Variants in PDZK1 observed in about 807,000 individuals in gnomAD.
PDZK1 encodes PDZ domain containing 1.
PDZK1 carries 23 observed loss-of-function variants against 38.1 expected under a neutral mutation model. The ratio of observed to expected loss-of-function variants is 0.60; its 90% CI spans 0.43 to 0.85. The LOEUF (loss-of-function observed/expected upper bound fraction) is 0.85, where lower values mean the gene tolerates loss of function less well. Among genes scored for constraint, PDZK1 ranks in the 40% least tolerant of loss-of-function variants. The probability of loss-of-function intolerance (pLI) is 0.00; values close to 1 mark genes in which losing one functional copy is unlikely to be tolerated. For missense variants in PDZK1, 297 were observed against 504.3 expected (o/e 0.59, Z 3.94); for synonymous variants, 98 against 186.2 (o/e 0.53, Z 3.86).
At chr1:145,701,065 T>G (rs1215903546) in intron 1 of PDZK1, among the ~76,000 whole-genome samples, 2 of 151,612 alleles carry the variant, frequency 1.3e-5, no homozygotes, top group Non-Finnish European at 2.9e-5. Flanking sequence ...ATCAGCTGGG[T>G]GTGGTGGCAC....
intron 6 of PDZK1, among the ~76,000 whole-genome samples, chr1:145,677,780 T>TATC (rs1653833487): frequency 6.7e-6 from 1 of 148,446 alleles, no homozygotes; most frequent in African/African-American, 2.6e-5. Flanking sequence ...TAGATTCTAC[T>TATC]ATCATTGTAT....
intron 5 of PDZK1, among the ~76,000 whole-genome samples, chr1:145,680,658 C>T (rs2624760): frequency 8.8e-5 from 13 of 148,098 alleles, no homozygotes; most frequent in Admixed American, 6.1e-4. Flanking sequence ...GATTTCCCCC[C>T]ACCCCCGCCC....
At chr1:145,686,401 C>T (rs1186290084) in intron 3 of PDZK1, 76 bp downstream of exon 3, 4 of 1,524,496 alleles carry the variant, frequency 2.6e-6, no homozygotes, top group Non-Finnish European at 3.6e-6. Flanking sequence ...AGTCATTAAC[C>T]AGTAGCATCT....
chr1:145,677,496 T>C (rs1208149989), intron 6 of PDZK1, among the ~76,000 whole-genome samples: 1 of 150,930 alleles, frequency 6.6e-6, no homozygotes, highest in African/African-American at 2.5e-5. Context: ...AAGTATTTTC[T>C]AGGTATGATT....
chr1:145,694,273 G>A (rs781858812), intron 1 of PDZK1, among the ~76,000 whole-genome samples: 6 of 152,276 alleles, frequency 3.9e-5, no homozygotes, highest in East Asian at 1.9e-4. Context: ...CAGTCATCCC[G>A]TGAACCCTGG....
At position 145,682,624 on chromosome 1, in the gene PDZK1, A is replaced by G. The variant is rs1178122017; in HGVS notation, c.473T>C (p.Val158Ala). 8 of 1,611,884 alleles carry G rather than the reference A, an allele frequency of 5.0e-6. No individual in the cohort carries two copies. The highest frequency in any genetic ancestry group is 4.2e-6 in the Non-Finnish European group (5 of 1,179,824). ...SLKTVQGKKG[V>A]YMTDITPQGV... ...TTGAGGTGTAATATCAGTCATGTAC[A>G]CCCCCTTTTTACCTGGAAGAGAGTA... Residue 158 changes from valine to alanine, a missense_variant, in exon 4 of 9, where the codon GTG (valine) becomes GCG (alanine). Coordinates refer to ENST00000417171, the MANE Select transcript of PDZK1 (RefSeq NM_001201325.2).
At chr1:145,697,544 T>C (rs1331462052) in intron 1 of PDZK1, among the ~76,000 whole-genome samples, 6 of 152,054 alleles carry the variant, frequency 3.9e-5, no homozygotes, top group Admixed American at 1.3e-4. Context: ...AATGGAAGTC[T>C]GGGCCTGATA....
At chr1:145,680,684 C>G (rs1654155004) in intron 5 of PDZK1, among the ~76,000 whole-genome samples, 1 of 140,208 alleles carries the variant, frequency 7.1e-6, no homozygotes, top group Non-Finnish European at 1.5e-5. Flanking sequence ...AGCTAACTTA[C>G]CAGGATACCG....
At chr1:145,702,303 A>T (rs1394685810) in intron 1 of PDZK1, among the ~76,000 whole-genome samples, 4 of 152,034 alleles carry the variant, frequency 2.6e-5, no homozygotes, top group Non-Finnish European at 5.9e-5. Context: ...TTGATTGCTT[A>T]TCTAAGAGTT....
chr1:145,705,716 A>T (rs1553705619), intron 1 of PDZK1, among the ~76,000 whole-genome samples: 1 of 152,122 alleles, frequency 6.6e-6, no homozygotes, highest in African/African-American at 2.4e-5. Flanking sequence ...TACACATTTG[A>T]AATCTAGGCA....
chr1:145,701,297 G>C (rs1287990345), intron 1 of PDZK1, among the ~76,000 whole-genome samples: 4 of 150,782 alleles, frequency 2.7e-5, no homozygotes, highest in Non-Finnish European at 5.9e-5. Flanking sequence ...GTATAATCTA[G>C]TATGAAACCA....
chr1:145,678,828 G>T (rs1653965662), intron 5 of PDZK1, among the ~76,000 whole-genome samples, 183 bp from the exon 6 acceptor site: 1 of 143,976 alleles, frequency 6.9e-6, no homozygotes, highest in African/African-American at 2.5e-5. Flanking sequence ...CTCGTTTCCT[G>T]CTCAGAACTC....
chr1:145,679,383 T>C (rs1654018253), intron 5 of PDZK1, among the ~76,000 whole-genome samples: 2 of 152,150 alleles, frequency 1.3e-5, no homozygotes, highest in African/African-American at 2.4e-5. Context: ...TTCCCCAGCA[T>C]CCAGTCCCCA....
chr1:145,679,415 C>A (rs1417259935), intron 5 of PDZK1, among the ~76,000 whole-genome samples: 4 of 152,118 alleles, frequency 2.6e-5, no homozygotes, highest in Non-Finnish European at 4.4e-5. Flanking sequence ...TTGCTAAGTC[C>A]TCTGATGCTA....
intron 1 of PDZK1, among the ~76,000 whole-genome samples, chr1:145,705,842 C>T (rs1290026755): frequency 6.6e-6 from 1 of 152,168 alleles, no homozygotes; most frequent in African/African-American, 2.4e-5. Context: ...CCTCGACCCC[C>T]TGGGCTCAAG....
chr1:145,701,943 T>C (rs950979881), intron 1 of PDZK1, among the ~76,000 whole-genome samples: 1 of 152,260 alleles, frequency 6.6e-6, no homozygotes. Flanking sequence ...CTCAAGTATA[T>C]TTACTTTAAA....
intron 1 of PDZK1, among the ~76,000 whole-genome samples, chr1:145,693,807 C>A (rs1452700900): frequency 3.9e-5 from 6 of 152,074 alleles, no homozygotes; most frequent in East Asian, 1.9e-4. Flanking sequence ...TGCCTCGACT[C>A]CTCCTGTCTC....
Position 145,685,277 on chromosome 1 carries a change from A to T in PDZK1, c.460+1200T>A, listed in dbSNP as rs587761849. On this transcript the variant is annotated intron_variant, in intron 3 of 8. Coordinates refer to ENST00000417171, the MANE Select transcript of PDZK1 (RefSeq NM_001201325.2). ...GGGATCGCTTGCTAATGACTACATA[A>T]ATCACTTGTAAGGAATGACAATAAC... 2.6e-5 allele frequency among the ~76,000 whole-genome samples: 4 copies of T among 152,218 alleles called. No individual in the cohort carries two copies. The South Asian group carries it at 8.3e-4, about 32-fold the overall frequency.
intron 1 of PDZK1, among the ~76,000 whole-genome samples, chr1:145,700,125 C>T (rs1655876919): frequency 6.6e-6 from 1 of 152,200 alleles, no homozygotes; most frequent in Non-Finnish European, 1.5e-5. Flanking sequence ...AATGGGCAGG[C>T]ACCTCAATGA....
Sources: allele counts gnomAD v4.1 joint callset (sites outside exome capture counted in the v4.1 genomes callset), GRCh38; gene constraint gnomAD v4.1.1; transcripts MANE v1.5; gene names NCBI Gene and HGNC (gene_info 2026-07-23, HGNC 2026-07-21).